Variants in CFAP58 observed in about 807,000 individuals in gnomAD.
CFAP58 encodes the protein cilia and flagella associated protein 58, also known as cilia- and flagella-associated protein 58.
In CFAP58, 88 loss-of-function variants were observed where a neutral mutation model predicts 119.5. The ratio of observed to expected loss-of-function variants is 0.74; its 90% CI spans 0.62 to 0.88. The LOEUF is 0.88. Among genes scored for constraint, CFAP58 ranks in the 40% least tolerant of loss-of-function variants. The pLI is 0.00. For missense variants in CFAP58, 990 were observed against 1,021.2 expected (o/e 0.97, Z 0.42); for synonymous variants, 365 against 366.3 (o/e 1.00, Z 0.04).
chr10:104,389,229 G>A (rs1484152398), intron 9 of CFAP58, among the ~76,000 whole-genome samples: 1 of 152,036 alleles, frequency 6.6e-6, no homozygotes, highest in African/African-American at 2.4e-5. Flanking sequence ...TTTTCTGCTC[G>A]TTTCAATATT....
At chr10:104,378,771 A>C (rs368814225) in intron 8 of CFAP58, among the ~76,000 whole-genome samples, 1 of 152,224 alleles carries the variant, frequency 6.6e-6, no homozygotes, top group African/African-American at 2.4e-5. Flanking sequence ...CATTTGATCC[A>C]TTCAGTTGCA....
chr10:104,346,289 G>A, the CFAP58 span, among the ~76,000 whole-genome samples: 1 of 152,052 alleles, frequency 6.6e-6, no homozygotes, highest in African/African-American at 2.4e-5. Flanking sequence ...TGGAAGTCAT[G>A]TATCAACATG....
chr10:104,444,564 T>A lies in CFAP58; in HGVS notation c.2257-3134T>A, dbSNP rs531853365. Among the ~76,000 whole-genome samples the A allele has an allele frequency of 2.0e-5, 3 of 152,370 alleles. No individual in the cohort carries two copies. In the South Asian group the frequency reaches 6.2e-4, roughly 32 times the overall value. On this transcript the variant is annotated intron_variant, in intron 15 of 17. Coordinates refer to ENST00000369704, the MANE Select transcript of CFAP58 (RefSeq NM_001008723.2). ...GAGAGAAATAAATTGGAAGACAATG[T>A]ACTGAAGACCTTCAATCCATCAAAC...
intron 15 of CFAP58, among the ~76,000 whole-genome samples, chr10:104,423,027 G>A (rs1177379964): frequency 6.6e-6 from 1 of 152,158 alleles, no homozygotes; most frequent in African/African-American, 2.4e-5. Context: ...TTAATCCTTT[G>A]TTGGATATGG....
At chr10:104,432,026 T>C (rs550458083) in intron 15 of CFAP58, among the ~76,000 whole-genome samples, 1 of 152,158 alleles carries the variant, frequency 6.6e-6, no homozygotes, top group South Asian at 2.1e-4. Context: ...TTCAGGGGCA[T>C]CCCTGTACAA....
At chr10:104,369,849 C>T (rs1035702058) in intron 6 of CFAP58, among the ~76,000 whole-genome samples, 3 of 152,182 alleles carry the variant, frequency 2.0e-5, no homozygotes, top group African/African-American at 7.2e-5. Context: ...GCTGCTTTTC[C>T]AGTCACTTCT....
At chr10:104,446,629 C>T (rs1434631149) in intron 15 of CFAP58, among the ~76,000 whole-genome samples, 2 of 152,170 alleles carry the variant, frequency 1.3e-5, no homozygotes, top group Non-Finnish European at 2.9e-5. Flanking sequence ...AGGGCTTGTG[C>T]TTACCACAAT....
intron 15 of CFAP58, among the ~76,000 whole-genome samples, chr10:104,413,709 TCATCATCATC>T (rs1283275423): frequency 3.6e-4 from 33 of 92,678 alleles, no homozygotes; most frequent in African/African-American, 1.4e-3. Context: ...TATCATTACA[TCATCATCATC>T]ATCATCATCA....
upstream of CFAP58, chr10:104,351,845 A>G (rs2014463246): frequency 6.6e-6 from 1 of 152,202 alleles, no homozygotes. Context: ...TATCAAAGTT[A>G]AGGACTATTG....
chr10:104,366,716 A>G (rs1589910345), intron 5 of CFAP58, among the ~76,000 whole-genome samples: 1 of 152,214 alleles, frequency 6.6e-6, no homozygotes, highest in East Asian at 1.9e-4. Context: ...AGTTGATGCC[A>G]TATTAGCACA....
intron 17 of CFAP58, among the ~76,000 whole-genome samples, chr10:104,451,895 A>ATTTT (rs57385012): frequency 6.9e-6 from 1 of 143,914 alleles, no homozygotes. Flanking sequence ...TGCCCAGCTA[A>ATTTT]TTTTTTTTTT....
At chr10:104,428,563 C>T (rs529946476) in intron 15 of CFAP58, among the ~76,000 whole-genome samples, 11 of 152,308 alleles carry the variant, frequency 7.2e-5, no homozygotes, top group East Asian at 1.9e-4. Context: ...GTGCTCTTCT[C>T]GTCACTGGTA....
intron 16 of CFAP58, among the ~76,000 whole-genome samples, chr10:104,448,227 C>T (rs1329785880): frequency 6.6e-6 from 1 of 152,178 alleles, no homozygotes; most frequent in Non-Finnish European, 1.5e-5. Flanking sequence ...GTATTCCATC[C>T]CATCTGAAAT....
intron 15 of CFAP58, among the ~76,000 whole-genome samples, chr10:104,423,274 G>T (rs936671432): frequency 1.3e-5 from 2 of 151,860 alleles, no homozygotes; most frequent in Non-Finnish European, 2.9e-5. Flanking sequence ...TTTTATTTTG[G>T]TCTCTGATTT....
Position 104,376,737 on chromosome 10 carries a change from T to A in CFAP58, c.1091-74T>A, listed in dbSNP as rs1003790930. ...AGACAAACATGTAAAGCAGTTTTTG[T>A]ATCACTTCGGCTTTTGTAGATTCTC... On this transcript the variant is annotated intron_variant, in intron 7 of 17. Coordinates refer to ENST00000369704, the MANE Select transcript of CFAP58 (RefSeq NM_001008723.2). The A allele has an allele frequency of 1.7e-5, 20 of 1,183,140 alleles. No homozygotes were observed. In the African/African-American group the frequency reaches 3.1e-4, roughly 18 times the overall value. The allele number at this position is 1,183,140 out of a possible 1,614,324, so 73.3% of individuals were successfully genotyped here. A position where few individuals can be genotyped will look rare whatever the true frequency, so the allele number is the denominator to read the frequency against.
chr10:104,399,730 A>G (rs1345544950), intron 12 of CFAP58, among the ~76,000 whole-genome samples: 1 of 152,124 alleles, frequency 6.6e-6, no homozygotes, highest in Non-Finnish European at 1.5e-5. Flanking sequence ...CACGTTGGCC[A>G]CCAAGACAAT....
intron 6 of CFAP58, 95 bp downstream of exon 6, chr10:104,368,655 G>T: frequency 3.0e-6 from 4 of 1,333,344 alleles, no homozygotes; most frequent in Middle Eastern, 1.9e-4. Flanking sequence ...GCCTGTGTTG[G>T]CTCTACTGAG....
chr10:104,409,693 C>CT (rs2012429571), intron 15 of CFAP58, among the ~76,000 whole-genome samples: 1 of 151,954 alleles, frequency 6.6e-6, no homozygotes, highest in East Asian at 1.9e-4. Context: ...TGAATTGCTC[C>CT]TTTCGTATTA....
Position 104,454,685 on chromosome 10 carries a change from G to A in CFAP58, c.*155G>A. ...TATCATAGTCACATACATATAAGAG[G>A]GATGGTGTTTTGTCTGGTTCACGTT... On this transcript the variant is annotated 3_prime_UTR_variant, in exon 18 of 18. Coordinates refer to ENST00000369704, the MANE Select transcript of CFAP58 (RefSeq NM_001008723.2). 1.6e-6 allele frequency: 1 copy of A among 610,272 alleles called. No individual in the cohort carries two copies. The highest frequency in any genetic ancestry group is 2.9e-6 in the Non-Finnish European group (1 of 340,706). 37.8% of individuals were successfully genotyped at this position (610,272 alleles called of 1,614,324 possible).
Sources: allele counts gnomAD v4.1 joint callset (sites outside exome capture counted in the v4.1 genomes callset), GRCh38; gene constraint gnomAD v4.1.1; transcripts MANE v1.5; gene names NCBI Gene and HGNC (gene_info 2026-07-23, HGNC 2026-07-21).